Variants in GASK1A observed in about 807,000 individuals in gnomAD.
GASK1A encodes the protein Golgi-associated kinase 1A.
Under a neutral mutation model 41.2 loss-of-function variants are expected in GASK1A, and 40 were observed. The ratio of observed to expected loss-of-function variants is 0.97; its 90% CI spans 0.75 to 1.27. The LOEUF is 1.27. Among genes scored for constraint, GASK1A ranks in the 50% most tolerant of loss-of-function variants. GASK1A has a pLI of 0.00. For synonymous variants in GASK1A, 316 were observed against 307.1 expected (o/e 1.03, Z -0.30); for missense variants, 678 against 745.1 (o/e 0.91, Z 1.05).
In GASK1A at chr3:43,009,334, G is replaced by A. The variant is rs1024290775; in HGVS notation, c.4-22933G>A. Among the ~76,000 whole-genome samples the A allele has an allele frequency of 1.4e-4, 21 of 152,314 alleles. No individual in the cohort carries two copies. The East Asian group carries it at 2.1e-3, about 15-fold the overall frequency. ...ACCCCAGCCAATGTAATGAAGAGACGGATCCAGGTATTTCTCAGGTCTTTA... is the reference window on the plus strand; with the variant it reads ...ACCCCAGCCAATGTAATGAAGAGACAGATCCAGGTATTTCTCAGGTCTTTA... On this transcript the variant is annotated intron_variant, in intron 1 of 4. Coordinates refer to ENST00000430121, the MANE Select transcript of GASK1A (RefSeq NM_001129908.3).
chr3:43,045,893 T>A (rs1224107761), intron 2 of GASK1A, among the ~76,000 whole-genome samples: 1 of 152,222 alleles, frequency 6.6e-6, no homozygotes, highest in Non-Finnish European at 1.5e-5. Flanking sequence ...CCTGCCACCT[T>A]GTGAAGAAGG....
intron 2 of GASK1A, among the ~76,000 whole-genome samples, chr3:43,039,039 T>G (rs1210841473): frequency 6.9e-5 from 1 of 14,396 alleles, no homozygotes; most frequent in Admixed American, 1.9e-3. Flanking sequence ...CTCTTTTGAC[T>G]TTTTTTTTTT....
intron 2 of GASK1A, among the ~76,000 whole-genome samples, chr3:43,042,436 T>A (rs569394172): frequency 6.6e-6 from 1 of 152,022 alleles, no homozygotes; most frequent in Admixed American, 6.6e-5. Context: ...TGAGCTGTGA[T>A]CATGCCACTG....
intron 2 of GASK1A, among the ~76,000 whole-genome samples, chr3:43,049,035 G>A (rs2089676582): frequency 6.6e-6 from 1 of 152,202 alleles, no homozygotes; most frequent in Admixed American, 6.5e-5. Flanking sequence ...AGCCTGAAGA[G>A]TCAGGGGAAG....
chr3:43,043,980 CACTGTGAA>C (rs2089649750), intron 2 of GASK1A, among the ~76,000 whole-genome samples: 1 of 152,198 alleles, frequency 6.6e-6, no homozygotes, highest in Non-Finnish European at 1.5e-5. Flanking sequence ...GCCAAGCCCT[CACTGTGAA>C]ACATTCAAAT....
chr3:43,003,709 T>C (rs1459097227), intron 1 of GASK1A, among the ~76,000 whole-genome samples: 1 of 152,150 alleles, frequency 6.6e-6, no homozygotes, highest in Non-Finnish European at 1.5e-5. Flanking sequence ...GCTATTTACG[T>C]TTATTTTATC....
At chr3:43,010,592 T>C (rs2089458509) in intron 1 of GASK1A, among the ~76,000 whole-genome samples, 1 of 152,246 alleles carries the variant, frequency 6.6e-6, no homozygotes, top group South Asian at 2.1e-4. Flanking sequence ...GGATTATAGA[T>C]TTCTGCCATC....
In GASK1A at chr3:43,056,586, CTATT is replaced by C; in HGVS notation, c.*205_*208del. On this transcript the variant is annotated 3_prime_UTR_variant, in exon 5 of 5. Transcript: ENST00000430121. ...TCCCTTTCTGCCTTCTCGGCTCTGG[CTATT>C]TATTCCCTTGCACCAACAAATACAT... 1.9e-6 allele frequency: 1 copy of C among 523,664 alleles called. No homozygotes were observed. Among genetic ancestry groups the C allele is most frequent in the Non-Finnish European group, 3.4e-6 (1 of 292,970 alleles). The allele number at this position is 523,664 out of a possible 1,614,324, so 32.4% of individuals were successfully genotyped here.
chr3:42,985,280 G>C (rs901853007), intron 1 of GASK1A, among the ~76,000 whole-genome samples: 13 of 152,282 alleles, frequency 8.5e-5, no homozygotes, highest in African/African-American at 2.9e-4. Context: ...GTCTCCATGG[G>C]CAGGGACTGA....
intron 1 of GASK1A, among the ~76,000 whole-genome samples, chr3:43,003,148 T>C (rs2089418569): frequency 6.6e-6 from 1 of 152,186 alleles, no homozygotes; most frequent in Admixed American, 6.5e-5. Flanking sequence ...AGATTATGTC[T>C]AGTACATTGT....
Position 42,984,022 on chromosome 3 carries a change from C to G in GASK1A, c.3+4377C>G, listed in dbSNP as rs943922097. 1.3e-5 allele frequency among the ~76,000 whole-genome samples: 2 copies of G among 152,168 alleles called. No individual in the cohort carries two copies. The highest frequency in any genetic ancestry group is 1.3e-4 in the Admixed American group (2 of 15,278). ...GTCTGGGAGGCCCAATGTCTGCTCCCCACCTAAGGTACTAGTAGAGACACA... is the reference window on the plus strand; with the variant it reads ...GTCTGGGAGGCCCAATGTCTGCTCCGCACCTAAGGTACTAGTAGAGACACA... On this transcript the variant is annotated intron_variant, in intron 1 of 4. Coordinates refer to ENST00000430121, the MANE Select transcript of GASK1A (RefSeq NM_001129908.3). This position sits in a 1 kb window ranked among gnomAD's most constrained non-coding sequence, Gnocchi z 4.2.
chr3:42,984,814 C>T lies in GASK1A; in HGVS notation c.3+5169C>T, dbSNP rs2089300432. Among the ~76,000 whole-genome samples, 1 of 152,134 alleles carries T rather than the reference C, an allele frequency of 6.6e-6. No individual in the cohort carries two copies. Among genetic ancestry groups the T allele is most frequent in the South Asian group, 2.1e-4 (1 of 4,832 alleles). On this transcript the variant is annotated intron_variant, in intron 1 of 4. Coordinates refer to ENST00000430121, the MANE Select transcript of GASK1A (RefSeq NM_001129908.3). The surrounding 1 kb of genome is among the most constrained non-coding windows in gnomAD (Gnocchi z 4.2). ...AATGGCATGCAGGGGAGTGAGCAAGCAGGTGGGGGTCTCCGTGACTTGCTT... is the reference window on the plus strand; with the variant it reads ...AATGGCATGCAGGGGAGTGAGCAAGTAGGTGGGGGTCTCCGTGACTTGCTT...
intron 1 of GASK1A, among the ~76,000 whole-genome samples, chr3:42,998,118 C>T (rs563668672): frequency 2.6e-5 from 4 of 152,288 alleles, no homozygotes; most frequent in East Asian, 3.9e-4. Context: ...TCTGGGACAT[C>T]GCCTCACTGT....
intron 1 of GASK1A, among the ~76,000 whole-genome samples, chr3:42,999,996 A>G (rs540095798): frequency 6.6e-6 from 1 of 152,272 alleles, no homozygotes; most frequent in African/African-American, 2.4e-5. Flanking sequence ...ACTTGTGATC[A>G]CATTTAGAAT....
intron 1 of GASK1A, among the ~76,000 whole-genome samples, chr3:43,007,027 CA>C (rs2089440238): frequency 6.6e-6 from 1 of 152,158 alleles, no homozygotes; most frequent in Admixed American, 6.5e-5. Flanking sequence ...GTGAGAGGCA[CA>C]GCACTGCCAA....
chr3:43,026,409 A>G (rs1448405189), intron 1 of GASK1A, among the ~76,000 whole-genome samples: 1 of 152,232 alleles, frequency 6.6e-6, no homozygotes, highest in Non-Finnish European at 1.5e-5. Context: ...CTGTGAGAAA[A>G]AAGGAGACAA....
chr3:43,022,085 C>T (rs2089525337), intron 1 of GASK1A, among the ~76,000 whole-genome samples: 1 of 152,228 alleles, frequency 6.6e-6, no homozygotes, highest in African/African-American at 2.4e-5. Context: ...CGCCCCCCGG[C>T]ATGTCTGCAA....
At position 43,018,164 on chromosome 3, in the gene GASK1A, TC is replaced by T. The variant is rs201554712; in HGVS notation, c.4-14102del. On this transcript the variant is annotated intron_variant, in intron 1 of 4. Coordinates refer to ENST00000430121, the MANE Select transcript of GASK1A (RefSeq NM_001129908.3). Reference sequence around the variant, plus strand: ...TGCTTAGCACCCTCCTATACTCACATCTTTATCCCGAGACTGTGGATTCTTC... The same window carrying T: ...TGCTTAGCACCCTCCTATACTCACATTTTATCCCGAGACTGTGGATTCTTC... Among the ~76,000 whole-genome samples, 751 of 152,364 alleles carry T rather than the reference TC, an allele frequency of 4.9e-3. 3 individuals are homozygous for T. Among genetic ancestry groups the T allele is most frequent in the Middle Eastern group, 0.031 (9 of 294 alleles).
chr3:43,013,360 G>A (rs1219191820), intron 1 of GASK1A, among the ~76,000 whole-genome samples: 1 of 151,800 alleles, frequency 6.6e-6, no homozygotes, highest in African/African-American at 2.4e-5. Flanking sequence ...AAAGGAAGGG[G>A]CCGTGTGAAA....
Sources: gnomAD v4.1 joint callset for allele counts (sites outside exome capture counted in the v4.1 genomes callset) on GRCh38, gnomAD v4.1.1 for gene constraint, Gnocchi (gnomAD v3.1) non-coding constraint, MANE v1.5 for transcripts, NCBI Gene and HGNC (gene_info 2026-07-23, HGNC 2026-07-21) for gene names.